The following UTP6 variants were observed in gnomAD, a reference collection of about 807,000 sequenced individuals.
UTP6 encodes U3 small nucleolar RNA-associated protein 6 homolog.
In UTP6, 60 loss-of-function variants were observed where a neutral mutation model predicts 96.5. The observed-to-expected ratio is 0.62, with a 90% CI of 0.51 to 0.77. The LOEUF is 0.77. Among genes scored for constraint, UTP6 ranks in the 30% least tolerant of loss-of-function variants. UTP6 has a pLI of 0.00. For synonymous variants in UTP6, 215 were observed against 240.1 expected (o/e 0.90, Z 0.96); for missense variants, 637 against 706.5 (o/e 0.90, Z 1.12).
intron 16 of UTP6, among the ~76,000 whole-genome samples, chr17:31,868,330 T>TTG (rs1555572814): frequency 7.0e-6 from 1 of 143,152 alleles, no homozygotes; most frequent in Non-Finnish European, 1.5e-5. Flanking sequence ...TTTTGGTTTT[T>TTG]TTTTTTTTTT....
At chr17:31,875,617 G>A (rs1267069042) in intron 13 of UTP6, among the ~76,000 whole-genome samples, 1 of 152,042 alleles carries the variant, frequency 6.6e-6, no homozygotes, top group Non-Finnish European at 1.5e-5. Flanking sequence ...GAGCTCAGGA[G>A]ATCAAGACCA....
At position 31,862,016 on chromosome 17, in the gene UTP6, C is replaced by T. The variant is rs760757534; in HGVS notation, c.*1343G>A. ...AAAAAATTAGAAATGACAGTCCAGG[C>T]CAGGCTTAGTGGTTCACGCCTGTAA... is the stretch of plus-strand genomic sequence containing the variant. On this transcript the variant is annotated 3_prime_UTR_variant, in exon 19 of 19. Coordinates refer to ENST00000261708, the MANE Select transcript of UTP6 (RefSeq NM_018428.3). 1 of 152,224 alleles carries T rather than the reference C, an allele frequency of 6.6e-6. No homozygotes were observed. The highest frequency in any genetic ancestry group is 2.4e-5 in the African/African-American group (1 of 41,456). 9.4% of individuals were successfully genotyped at this position (152,224 alleles called of 1,614,324 possible). A position where few individuals can be genotyped will look rare whatever the true frequency, so the allele number is the denominator to read the frequency against.
At position 31,862,957 on chromosome 17, in the gene UTP6, T is replaced by C. The variant is rs1309263171; in HGVS notation, c.*402A>G. 1 of 162,958 alleles carries C rather than the reference T, an allele frequency of 6.1e-6. No individual in the cohort carries two copies. Among genetic ancestry groups the C allele is most frequent in the East Asian group, 1.7e-4 (1 of 5,756 alleles). 10.1% of individuals were successfully genotyped at this position (162,958 alleles called of 1,614,324 possible). A position where few individuals can be genotyped will look rare whatever the true frequency, so the allele number is the denominator to read the frequency against. Reference sequence around the variant, plus strand: ...CTGGGATAATTTTAAAAAAACCCAGTCGTATGCTATCCATGTATTTTGGGA... The same window carrying C: ...CTGGGATAATTTTAAAAAAACCCAGCCGTATGCTATCCATGTATTTTGGGA... On this transcript the variant is annotated 3_prime_UTR_variant, in exon 19 of 19. Coordinates refer to ENST00000261708, the MANE Select transcript of UTP6 (RefSeq NM_018428.3).
intron 2 of UTP6, among the ~76,000 whole-genome samples, chr17:31,898,248 T>G (rs1422837555): frequency 1.3e-5 from 2 of 152,100 alleles, no homozygotes; most frequent in Non-Finnish European, 2.9e-5. Context: ...TTTAAAAAAC[T>G]GATGTTGGCC....
At chr17:31,865,824 T>C (rs1191854793) in intron 17 of UTP6, among the ~76,000 whole-genome samples, 2 of 152,210 alleles carry the variant, frequency 1.3e-5, no homozygotes, top group East Asian at 3.8e-4. Flanking sequence ...GGTACTTATT[T>C]GTTATATCCA....
At chr17:31,871,051 G>A (rs970163638) in intron 16 of UTP6, among the ~76,000 whole-genome samples, 7 of 149,178 alleles carry the variant, frequency 4.7e-5, no homozygotes, top group South Asian at 2.1e-4. Context: ...ATGCAGTGGC[G>A]CGATCTCAGC....
At position 31,899,651 on chromosome 17, in the gene UTP6, C is replaced by A; in HGVS notation, c.172G>T (p.Val58Phe). The change falls in exon 2 of 19, where the codon GTT becomes TTT. Residue 58 changes from valine (V) to phenylalanine (F), a missense_variant. Transcript: ENST00000261708. ...TLFKEDFINY[V>F]QYEINLLELI... ...ATTATTAATTACACACTTACTTGAA[C>A]ATAATTGATAAAGTCTTCCTTGAAA... The A allele has an allele frequency of 6.3e-7, 1 of 1,588,080 alleles. No homozygotes were observed. Among genetic ancestry groups the A allele is most frequent in the Admixed American group, 1.9e-5 (1 of 53,540 alleles).
At chr17:31,894,806 A>G (rs1314551396) in intron 3 of UTP6, 69 bp from the exon 4 acceptor site, 3 of 1,401,036 alleles carry the variant, frequency 2.1e-6, no homozygotes, top group East Asian at 4.7e-5. Context: ...TTCCTACTTG[A>G]CCACTTAATG....
chr17:31,889,847 G>T (rs1273448664), intron 6 of UTP6, among the ~76,000 whole-genome samples: 2 of 151,934 alleles, frequency 1.3e-5, no homozygotes, highest in East Asian at 1.9e-4. Context: ...GAAGCAGTTC[G>T]GACAGACAGT....
At chr17:31,876,750 G>A (rs891122547) in intron 13 of UTP6, among the ~76,000 whole-genome samples, 24 of 152,026 alleles carry the variant, frequency 1.6e-4, no homozygotes, top group African/African-American at 5.3e-4. Flanking sequence ...AGTGGCTCAC[G>A]CCTGTAATCC....
At chr17:31,884,402 C>T in intron 10 of UTP6, 22 bp downstream of exon 10, 1 of 1,567,636 alleles carries the variant, frequency 6.4e-7, no homozygotes, top group Non-Finnish European at 8.7e-7. Context: ...GATATATTCA[C>T]CTTTCTACTA....
At chr17:31,881,329 C>T (rs1218417512) in intron 10 of UTP6, among the ~76,000 whole-genome samples, 1 of 148,414 alleles carries the variant, frequency 6.7e-6, no homozygotes, top group Non-Finnish European at 1.5e-5. Context: ...TGCAGTGGCA[C>T]AATCTCAGTT....
intron 6 of UTP6, among the ~76,000 whole-genome samples, chr17:31,891,572 T>TA (rs1911495492): frequency 6.6e-6 from 1 of 152,168 alleles, no homozygotes; most frequent in African/African-American, 2.4e-5. Context: ...AGAGAAATAT[T>TA]TCTCTTACAA....
intron 16 of UTP6, 90 bp downstream of exon 16, chr17:31,873,288 C>G: frequency 8.0e-7 from 1 of 1,245,176 alleles, no homozygotes; most frequent in Middle Eastern, 1.9e-4. Context: ...ATTACTCCCT[C>G]AGATGCTATC....
Position 31,892,268 on chromosome 17 carries a change from T to C in UTP6, c.416A>G (p.Asn139Ser), listed in dbSNP as rs1324514348. 5.0e-6 allele frequency: 8 copies of C among 1,614,034 alleles called. No individual in the cohort carries two copies. In the Admixed American group the frequency reaches 1.3e-4, roughly 27 times the overall value. Residue 139 changes from asparagine (N) to serine (S), a missense_variant, in exon 6 of 19, where the codon AAC (asparagine) becomes AGC (serine). By Grantham distance (46) the Asn-to-Ser change is conservative. Coordinates refer to ENST00000261708, the MANE Select transcript of UTP6 (RefSeq NM_018428.3). ...CAAAGATTTCACCATACCTGGTTTG[T>C]TGGAATGAATCGCCAACATGGCAGA... Reference protein sequence around the residue: ...VFSAMLAIHSNKPALWIMAAK... With the variant: ...VFSAMLAIHSSKPALWIMAAK...
In UTP6 at chr17:31,861,856, A is replaced by G. The variant is rs549905714; in HGVS notation, c.*1503T>C. On this transcript the variant is annotated 3_prime_UTR_variant, in exon 19 of 19. Coordinates refer to ENST00000261708, the MANE Select transcript of UTP6 (RefSeq NM_018428.3). ...GAAAGAAGGAGCAAACCAGCAATAC[A>G]TATCAGTATTCTCTAAAAGCAGTAT... The G allele has an allele frequency of 6.6e-6, 1 of 152,364 alleles. No homozygotes were observed. Among genetic ancestry groups the G allele is most frequent in the East Asian group, 1.9e-4 (1 of 5,190 alleles). The allele number at this position is 152,364 out of a possible 1,614,324, so 9.4% of individuals were successfully genotyped here. A position where few individuals can be genotyped will look rare whatever the true frequency, so the allele number is the denominator to read the frequency against.
chr17:31,878,637 T>G, intron 12 of UTP6, 65 bp downstream of exon 12: 1 of 1,445,200 alleles, frequency 6.9e-7, no homozygotes, highest in East Asian at 2.3e-5. Flanking sequence ...AAAAGATCTG[T>G]GCTTCTGTTC....
At chr17:31,897,656 C>A (rs1055740322) in intron 2 of UTP6, among the ~76,000 whole-genome samples, 1 of 151,896 alleles carries the variant, frequency 6.6e-6, no homozygotes, top group Non-Finnish European at 1.5e-5. Flanking sequence ...ACCATGTTGG[C>A]CAGGCTGGTC....
At chr17:31,873,842 A>C in intron 14 of UTP6, 89 bp from the exon 15 acceptor site, 1 of 1,403,164 alleles carries the variant, frequency 7.1e-7, no homozygotes, top group Non-Finnish European at 9.6e-7. Context: ...ATTATGTATC[A>C]ATTTTTTTAT....
Sources: gnomAD v4.1 joint callset for allele counts (sites outside exome capture counted in the v4.1 genomes callset) on GRCh38, gnomAD v4.1.1 for gene constraint, MANE v1.5 for transcripts, NCBI Gene and HGNC (gene_info 2026-07-23, HGNC 2026-07-21) for gene names.